FSD1L: variants seen among roughly 807,000 people sequenced by gnomAD.
The protein encoded by FSD1L is FSD1-like protein.
Under a neutral mutation model 71.6 loss-of-function variants are expected in FSD1L, and 45 were observed. The observed-to-expected ratio is 0.63, with a 90% confidence interval of 0.49 to 0.81. FSD1L has a LOEUF of 0.81. Among genes scored for constraint, FSD1L ranks in the 30% least tolerant of loss-of-function variants. FSD1L has a pLI of 0.00. For missense variants in FSD1L, 561 were observed against 618.1 expected (o/e 0.91, Z 0.98); for synonymous variants, 197 against 207.2 (o/e 0.95, Z 0.42).
intron 6 of FSD1L, among the ~76,000 whole-genome samples, chr9:105,482,742 C>G (rs1356697190): frequency 1.3e-5 from 2 of 151,934 alleles, no homozygotes; most frequent in Non-Finnish European, 2.9e-5. Context: ...TTTTTTAAAG[C>G]TTTGATAAGC....
At chr9:105,527,824 G>A (rs187424845) in intron 10 of FSD1L, among the ~76,000 whole-genome samples, 24 of 152,150 alleles carry the variant, frequency 1.6e-4, no homozygotes, top group South Asian at 4.1e-4. Flanking sequence ...GAAATAAAGC[G>A]TATTCAAATA....
At chr9:105,539,236 A>T (rs1836455720) in intron 12 of FSD1L, 27 bp from the exon 13 acceptor site, 25 of 1,063,776 alleles carry the variant, frequency 2.4e-5, no homozygotes, top group Non-Finnish European at 2.9e-5. Context: ...TGTATAATAA[A>T]TTAGGCTTTT....
intron 7 of FSD1L, among the ~76,000 whole-genome samples, chr9:105,504,073 C>CT (rs1833919662): frequency 6.6e-6 from 1 of 152,228 alleles, no homozygotes; most frequent in Non-Finnish European, 1.5e-5. Flanking sequence ...CCTCTCAGGA[C>CT]TTTCAGTTGC....
chr9:105,465,193 A>G (rs74462060), intron 3 of FSD1L, among the ~76,000 whole-genome samples: 1,635 of 152,324 alleles, frequency 0.011, 33 homozygotes, highest in African/African-American at 0.038. Context: ...TGTACAATCT[A>G]CCAAGACTGA....
At chr9:105,476,210 C>T (rs981067823) in intron 5 of FSD1L, among the ~76,000 whole-genome samples, 4 of 152,084 alleles carry the variant, frequency 2.6e-5, no homozygotes, top group Admixed American at 1.3e-4. Flanking sequence ...GATTGGTTTG[C>T]GATTACTTCT....
At chr9:105,530,718 GAA>G (rs1365609889) in intron 10 of FSD1L, 1 of 493,202 alleles carries the variant, frequency 2.0e-6, no homozygotes, top group East Asian at 3.3e-5. Flanking sequence ...AGTGTATTTT[GAA>G]AAAGTTTCCT....
chr9:105,462,451 C>T (rs1019987355), intron 2 of FSD1L, among the ~76,000 whole-genome samples: 2 of 151,082 alleles, frequency 1.3e-5, no homozygotes, highest in Non-Finnish European at 2.9e-5. Context: ...AAACTTCTGA[C>T]CTCTGGTGAT....
At chr9:105,457,038 G>C (rs1830401916) in intron 1 of FSD1L, among the ~76,000 whole-genome samples, 1 of 152,282 alleles carries the variant, frequency 6.6e-6, no homozygotes, top group South Asian at 2.1e-4. Context: ...TGGGGCAGAT[G>C]AAAGTTGTCT....
At chr9:105,442,522 TA>T in the FSD1L span, among the ~76,000 whole-genome samples, 1,520 of 125,638 alleles carry the variant, frequency 0.012, 11 homozygotes, top group African/African-American at 0.029. Flanking sequence ...CTACAAAACA[TA>T]AAAAAAAAAA....
intron 12 of FSD1L, among the ~76,000 whole-genome samples, chr9:105,538,559 G>T (rs1457384880): frequency 6.6e-6 from 1 of 152,154 alleles, no homozygotes; most frequent in South Asian, 2.1e-4. Flanking sequence ...GAGGCCATTT[G>T]GTTGGCCAGT....
intron 6 of FSD1L, among the ~76,000 whole-genome samples, chr9:105,479,993 C>G (rs1365862687): frequency 1.3e-5 from 2 of 152,168 alleles, no homozygotes; most frequent in African/African-American, 4.8e-5. Context: ...GAATTTAGTA[C>G]TTGTAATGAA....
At chr9:105,479,209 A>C (rs1588969862) in intron 5 of FSD1L, 145 bp from the exon 6 acceptor site, 1 of 622,762 alleles carries the variant, frequency 1.6e-6, no homozygotes, top group Non-Finnish European at 2.7e-6. Context: ...TATACACATA[A>C]ATTTTCTATA....
chr9:105,480,942 C>T (rs781311698), intron 6 of FSD1L, among the ~76,000 whole-genome samples: 12 of 152,140 alleles, frequency 7.9e-5, no homozygotes, highest in East Asian at 1.9e-4. Flanking sequence ...CTATATGGCT[C>T]TTTGCATCAC....
At chr9:105,449,589 A>G (rs925569511) in intron 1 of FSD1L, among the ~76,000 whole-genome samples, 1 of 152,240 alleles carries the variant, frequency 6.6e-6, no homozygotes, top group South Asian at 2.1e-4. Context: ...TTCCTCATCT[A>G]TGCAGTAGAA....
intron 3 of FSD1L, among the ~76,000 whole-genome samples, chr9:105,465,073 G>A (rs1335219504): frequency 6.6e-6 from 1 of 152,166 alleles, no homozygotes; most frequent in African/African-American, 2.4e-5. Flanking sequence ...ATTGAGAAGG[G>A]AGAGGAATAC....
At chr9:105,446,547 T>C (rs1829652452), upstream of FSD1L, among the ~76,000 whole-genome samples, 1 of 151,858 alleles carries the variant, frequency 6.6e-6, no homozygotes, top group Non-Finnish European at 1.5e-5. Flanking sequence ...TTTTTTTTAA[T>C]TTCTGTAGAG....
At chr9:105,481,960 A>T (rs949417957) in intron 6 of FSD1L, among the ~76,000 whole-genome samples, 13 of 151,972 alleles carry the variant, frequency 8.6e-5, no homozygotes, top group African/African-American at 3.1e-4. Context: ...TCTTTTGTAG[A>T]GATGGGGTTT....
At chr9:105,489,356 A>C (rs1832767347) in intron 7 of FSD1L, among the ~76,000 whole-genome samples, 1 of 152,164 alleles carries the variant, frequency 6.6e-6, no homozygotes, top group Non-Finnish European at 1.5e-5. Context: ...ATGTAGAGTT[A>C]ATTACTGAAA....
chr9:105,488,111 A>T (rs568757699), intron 7 of FSD1L, among the ~76,000 whole-genome samples: 1 of 152,132 alleles, frequency 6.6e-6, no homozygotes, highest in African/African-American at 2.4e-5. Context: ...GTATACTGGC[A>T]TGTATCTGCC....
Sources: gnomAD v4.1 joint callset for allele counts (sites outside exome capture counted in the v4.1 genomes callset) on GRCh38, gnomAD v4.1.1 for gene constraint, MANE v1.5 for transcripts, NCBI Gene and HGNC (gene_info 2026-07-23, HGNC 2026-07-21) for gene names.